Variants in SLAMF6 observed in about 807,000 individuals in gnomAD.
SLAMF6 encodes the protein NK-T-B-antigen.
SLAMF6 carries 21 observed loss-of-function variants against 38.3 expected under a neutral mutation model. That is an observed-to-expected ratio of 0.55 (90% confidence interval 0.39 to 0.79). The LOEUF (loss-of-function observed/expected upper bound fraction) is 0.79. Ranked by LOEUF, SLAMF6 falls within the 30% of genes least tolerant of loss-of-function variation. The pLI, the probability that SLAMF6 is intolerant of heterozygous loss-of-function variation, is 0.00. For missense variants in SLAMF6, 341 were observed against 385.3 expected (o/e 0.89, Z 0.96); for synonymous variants, 152 against 146.3 (o/e 1.04, Z -0.28).
At chr1:160,486,989 G>T in intron 7 of SLAMF6, 115 bp downstream of exon 7, 1 of 1,009,998 alleles carries the variant, frequency 9.9e-7, no homozygotes, top group Non-Finnish European at 1.5e-6. Context: ...CTTTCCGCAT[G>T]CTGCTGCTGT....
intron 1 of SLAMF6, among the ~76,000 whole-genome samples, chr1:160,521,873 CTTGAT>C (rs1202585335): frequency 3.9e-5 from 6 of 152,132 alleles, no homozygotes; most frequent in African/African-American, 1.4e-4. Context: ...CCCTTTCCTT[CTTGAT>C]TTATTTCTTC....
chr1:160,501,615 A>AGAT (rs1295892798), intron 1 of SLAMF6, among the ~76,000 whole-genome samples: 2 of 152,044 alleles, frequency 1.3e-5, no homozygotes, highest in Non-Finnish European at 1.5e-5. Context: ...AGTTCACAGG[A>AGAT]GATGACACTG....
chr1:160,497,118 C>A (rs966874112), intron 1 of SLAMF6, among the ~76,000 whole-genome samples: 3 of 151,890 alleles, frequency 2.0e-5, no homozygotes, highest in Non-Finnish European at 4.4e-5. Flanking sequence ...TTTTTTAATT[C>A]TCTCAGAAAG....
At chr1:160,506,339 A>T (rs1300420026) in intron 1 of SLAMF6, among the ~76,000 whole-genome samples, 1 of 152,192 alleles carries the variant, frequency 6.6e-6, no homozygotes, top group East Asian at 1.9e-4. Context: ...AGAATCCATG[A>T]TTGCCAGGAG....
intron 1 of SLAMF6, among the ~76,000 whole-genome samples, chr1:160,508,273 A>G (rs923104328): frequency 1.3e-5 from 2 of 152,250 alleles, no homozygotes; most frequent in Admixed American, 1.3e-4. Flanking sequence ...ACAAGGCTAC[A>G]GTAACCAAAA....
chr1:160,493,137 G>A (rs770731915), intron 2 of SLAMF6, among the ~76,000 whole-genome samples: 1 of 151,858 alleles, frequency 6.6e-6, no homozygotes, highest in East Asian at 1.9e-4. Context: ...GTCCTTTTGC[G>A]ATGTGGCCCC....
intron 1 of SLAMF6, among the ~76,000 whole-genome samples, chr1:160,512,299 G>A (rs955852639): frequency 6.6e-6 from 1 of 152,112 alleles, no homozygotes; most frequent in Non-Finnish European, 1.5e-5. Context: ...CACTGAATGG[G>A]ACCTCCCTGT....
intron 1 of SLAMF6, among the ~76,000 whole-genome samples, chr1:160,500,013 G>A (rs972535656): frequency 1.6e-4 from 25 of 152,210 alleles, no homozygotes; most frequent in African/African-American, 5.8e-4. Context: ...ATTTAAAGTT[G>A]ATAAACAGAC....
chr1:160,499,734 G>C (rs752575659), intron 1 of SLAMF6, among the ~76,000 whole-genome samples: 5 of 152,092 alleles, frequency 3.3e-5, no homozygotes, highest in Admixed American at 6.6e-5. Flanking sequence ...TTTCTTATAG[G>C]AGGAGCTGAA....
rs1015489091 is a variant in SLAMF6 at position 160,486,372 on chromosome 1, G to A, written c.*335C>T. On this transcript the variant is annotated 3_prime_UTR_variant, in exon 8 of 8. Coordinates refer to ENST00000368057, the MANE Select transcript of SLAMF6 (RefSeq NM_001184714.2). ...GCTGCTTTCTAAAAGGAGAGAAGTG[G>A]TTGTCTTCTGGATCATAAACTCTCT... The A allele has an allele frequency of 3.8e-6, 1 of 261,848 alleles. No homozygotes were observed. The highest frequency in any genetic ancestry group is 7.4e-6 in the Non-Finnish European group (1 of 134,948). 16.2% of individuals were successfully genotyped at this position (261,848 alleles called of 1,614,324 possible).
intron 2 of SLAMF6, 88 bp downstream of exon 2, chr1:160,495,973 G>A: frequency 8.3e-7 from 1 of 1,210,130 alleles, no homozygotes; most frequent in South Asian, 1.4e-5. Context: ...TTACCACTAG[G>A]CGACAGTGCA....
intron 1 of SLAMF6, among the ~76,000 whole-genome samples, chr1:160,502,525 A>AC (rs1557942072): frequency 7.3e-4 from 111 of 152,292 alleles, no homozygotes; most frequent in African/African-American, 2.6e-3. Context: ...GGTCCAGGGA[A>AC]CTCAGTGAAT....
chr1:160,498,869 A>T (rs571422308), intron 1 of SLAMF6, among the ~76,000 whole-genome samples: 4 of 152,264 alleles, frequency 2.6e-5, no homozygotes, highest in Admixed American at 2.0e-4. Flanking sequence ...TTCATTTAAG[A>T]AGTGCCTGTT....
At chr1:160,497,133 T>C (rs1240313425) in intron 1 of SLAMF6, among the ~76,000 whole-genome samples, 5 of 152,146 alleles carry the variant, frequency 3.3e-5, no homozygotes, top group Non-Finnish European at 7.4e-5. Flanking sequence ...AGAAAGATTA[T>C]AGTTTAGTTA....
At chr1:160,491,730 C>T (rs1038023344) in intron 2 of SLAMF6, among the ~76,000 whole-genome samples, 2 of 152,068 alleles carry the variant, frequency 1.3e-5, no homozygotes, top group African/African-American at 4.8e-5. Flanking sequence ...TGCACTCTGC[C>T]CCTGTGTAAA....
chr1:160,512,528 G>C (rs1001711649), intron 1 of SLAMF6, among the ~76,000 whole-genome samples: 1 of 152,190 alleles, frequency 6.6e-6, no homozygotes, highest in African/African-American at 2.4e-5. Context: ...TCATTAAGTG[G>C]GTCCCTTATC....
chr1:160,504,842 A>C (rs2102045099), intron 1 of SLAMF6, among the ~76,000 whole-genome samples: 1 of 152,324 alleles, frequency 6.6e-6, no homozygotes, highest in South Asian at 2.1e-4. Context: ...GAATTTGGAA[A>C]GCCACATACA....
At chr1:160,511,040 A>C (rs1374936703) in intron 1 of SLAMF6, among the ~76,000 whole-genome samples, 1 of 152,218 alleles carries the variant, frequency 6.6e-6, no homozygotes, top group Non-Finnish European at 1.5e-5. Context: ...GAAGTTCAAG[A>C]TAATACACTG....
intron 2 of SLAMF6, among the ~76,000 whole-genome samples, chr1:160,493,800 T>C (rs1008765115): frequency 2.0e-5 from 3 of 152,064 alleles, no homozygotes; most frequent in African/African-American, 7.2e-5. Flanking sequence ...TCAGGAAACT[T>C]ACAATCATGA....
Sources: allele counts gnomAD v4.1 joint callset (sites outside exome capture counted in the v4.1 genomes callset), GRCh38; gene constraint gnomAD v4.1.1; transcripts MANE v1.5; gene names NCBI Gene and HGNC (gene_info 2026-07-23, HGNC 2026-07-21).